Variants in PRR12 observed in about 807,000 individuals in gnomAD.
PRR12 encodes the protein proline rich 12, also known as proline-rich protein 12.
Under a neutral mutation model 138.0 loss-of-function variants are expected in PRR12, and 12 were observed. The observed-to-expected ratio is 0.09, with a 90% CI of 0.06 to 0.14. The LOEUF (loss-of-function observed/expected upper bound fraction) is 0.14. PRR12 is among the 10% of genes least tolerant of loss of function. The pLI is 1.00. For missense variants in PRR12, 2,692 were observed against 2,861.3 expected, an observed-to-expected ratio of 0.94 and a Z score of 1.35; for synonymous variants, 1,567 against 1,291.7, an observed-to-expected ratio of 1.21 and a Z score of -4.57.
intron 9 of PRR12, among the ~76,000 whole-genome samples, chr19:49,620,128 C>T (rs947005663): frequency 2.0e-5 from 3 of 152,132 alleles, no homozygotes; most frequent in Non-Finnish European, 2.9e-5. Flanking sequence ...GGATGACAGG[C>T]GTGAGCCACT....
intron 5 of PRR12, among the ~76,000 whole-genome samples, chr19:49,600,780 C>T (rs1018013518): frequency 2.6e-5 from 4 of 151,992 alleles, no homozygotes; most frequent in African/African-American, 4.8e-5. Context: ...TGGCTCACTG[C>T]AACCTCTGCC....
At position 49,596,678 on chromosome 19, in the gene PRR12, CCTT is replaced by C; in HGVS notation, c.2346_2348del (p.Leu783del). 6 of 1,604,852 alleles carry C rather than the reference CCTT, an allele frequency of 3.7e-6. No homozygotes were observed. Among genetic ancestry groups the C allele is most frequent in the Non-Finnish European group, 5.1e-6 (6 of 1,178,590 alleles). On this transcript the variant is annotated inframe_deletion, in exon 4 of 14. Transcript: ENST00000418929. The surrounding 1 kb of genome is among the most constrained non-coding windows in gnomAD (Gnocchi z 5.6). ...CTACCCAGCCCACTCCCCATGGCCT[CCTT>C]CTGGAGGCCGGGGGCCCTGACCTCC...
rs2080762498 is a variant in PRR12 at position 49,595,664 on chromosome 19, T to C, written c.1329T>C (p.Tyr443=). 1 of 1,600,464 alleles carries C rather than the reference T, an allele frequency of 6.2e-7. No individual in the cohort carries two copies. Among genetic ancestry groups the C allele is most frequent in the Non-Finnish European group, 8.5e-7 (1 of 1,174,280 alleles). The change falls in exon 4 of 14, where the codon TAT becomes TAC. Residue 443 remains tyrosine (Y), a synonymous_variant. Transcript: ENST00000418929. The part of the protein sequence containing the change: ...SGAGGAGGQA[Y]SPGQPQGLLG... Reference sequence around the variant, plus strand: ...CTGGAGGGGCAGGGGGCCAGGCTTATTCCCCCGGTCAGCCTCAAGGGCTTC... The same window carrying C: ...CTGGAGGGGCAGGGGGCCAGGCTTACTCCCCCGGTCAGCCTCAAGGGCTTC...
In PRR12 at chr19:49,591,860, A is replaced by G. The variant is rs545892122; in HGVS notation, c.86+120A>G. On this transcript the variant is annotated intron_variant, in intron 1 of 13. Coordinates refer to ENST00000418929, the MANE Select transcript of PRR12 (RefSeq NM_020719.3). Reference sequence around the variant, plus strand: ...CATCGCAAACTCCCCTCCGGCTTGCAAGGGAGCGGCCTTCCTCGGTTTGTA... The same window carrying G: ...CATCGCAAACTCCCCTCCGGCTTGCGAGGGAGCGGCCTTCCTCGGTTTGTA... 1.1e-5 allele frequency: 6 copies of G among 532,752 alleles called. 1 individual carries two copies. The South Asian group carries it at 3.9e-4, about 35-fold the overall frequency. 33.0% of individuals were successfully genotyped at this position (532,752 alleles called of 1,614,324 possible). A position where few individuals can be genotyped will look rare whatever the true frequency, so the allele number is the denominator to read the frequency against.
At position 49,615,101 on chromosome 19, in the gene PRR12, G is replaced by A. The variant is rs2080884627; in HGVS notation, c.5024+92G>A. ...CAAGAGAGAAGGCTGGAGAGTGGGGGGTGGGGACAGAGAGAGGAGACAGAG... is the reference window on the plus strand; with the variant it reads ...CAAGAGAGAAGGCTGGAGAGTGGGGAGTGGGGACAGAGAGAGGAGACAGAG... On this transcript the variant is annotated intron_variant, in intron 8 of 13. Transcript: ENST00000418929. 1.9e-6 allele frequency: 3 copies of A among 1,546,622 alleles called. No homozygotes were observed. The Admixed American group carries it at 5.2e-5, about 27-fold the overall frequency.
At chr19:49,619,786 C>G (rs946871381) in intron 9 of PRR12, among the ~76,000 whole-genome samples, 4 of 150,890 alleles carry the variant, frequency 2.7e-5, no homozygotes, top group African/African-American at 9.8e-5. Flanking sequence ...AGGTGATCTG[C>G]CTGCCTCGGC....
chr19:49,603,082 A>G (rs2080820669), intron 6 of PRR12, among the ~76,000 whole-genome samples: 1 of 152,234 alleles, frequency 6.6e-6, no homozygotes, highest in African/African-American at 2.4e-5. Flanking sequence ...CTGGGTAGTT[A>G]GCTGGCCCTC....
rs1401473247 is a variant in PRR12, at chr19:49,591,753, G to C, written c.86+13G>C. The C allele has an allele frequency of 6.9e-7, 1 of 1,454,902 alleles. No homozygotes were observed. Among genetic ancestry groups the C allele is most frequent in the Non-Finnish European group, 9.1e-7 (1 of 1,095,650 alleles). The allele number at this position is 1,454,902 out of a possible 1,614,324, so 90.1% of individuals were successfully genotyped here. On this transcript the variant is annotated intron_variant, in intron 1 of 13. Coordinates refer to ENST00000418929, the MANE Select transcript of PRR12 (RefSeq NM_020719.3). ...CAGCGAAAGCTAGGTAAGGAGCTGA[G>C]GGTGGCCTAGAGAAGGGGGCCAAGG...
In PRR12 at chr19:49,599,442, C is replaced by T. The variant is rs766128999; in HGVS notation, c.3849C>T (p.Ala1283=). ...KQPEMKSGFM[A]SFLDFLKSGK... Reference sequence around the variant, plus strand: ...CGGAGATGAAGTCGGGTTTCATGGCCTCCTTCTTGGACTTCCTCAAGTCAG... The same window carrying T: ...CGGAGATGAAGTCGGGTTTCATGGCTTCCTTCTTGGACTTCCTCAAGTCAG... Residue 1283 remains alanine (A), a synonymous_variant, in exon 5 of 14, where the codon GCC becomes GCT. Coordinates refer to ENST00000418929, the MANE Select transcript of PRR12 (RefSeq NM_020719.3). The surrounding 1 kb of genome is among the most constrained non-coding windows in gnomAD (Gnocchi z 5.0). The T allele has an allele frequency of 6.2e-6, 10 of 1,607,240 alleles. No individual in the cohort carries two copies. The highest frequency in any genetic ancestry group is 2.2e-5 in the East Asian group (1 of 44,614).
At position 49,595,097 on chromosome 19, in the gene PRR12, CGCCGCCGCT is replaced by C; in HGVS notation, c.767_775del (p.Ala256_Ala258del). 6.2e-7 allele frequency: 1 copy of C among 1,611,706 alleles called. No individual in the cohort carries two copies. ...ACCTGCTGGCTTCCTCTTCCGCTGC[CGCCGCCGCT>C]GCCGAGCAGTCCTCCCCACAGCTCT... On this transcript the variant is annotated inframe_deletion, in exon 4 of 14. Coordinates refer to ENST00000418929, the MANE Select transcript of PRR12 (RefSeq NM_020719.3).
At chr19:49,608,366 T>C (rs2080848878) in intron 6 of PRR12, among the ~76,000 whole-genome samples, 1 of 151,972 alleles carries the variant, frequency 6.6e-6, no homozygotes, top group Non-Finnish European at 1.5e-5. Context: ...TTTTTTGAGA[T>C]GGAGTCTCGC....
At chr19:49,621,853 G>A in intron 11 of PRR12, 1 of 553,328 alleles carries the variant, frequency 1.8e-6, no homozygotes, top group South Asian at 2.2e-5. Flanking sequence ...GGGTGGTTGT[G>A]AAAGGCTGGG....
chr19:49,613,805 GGCT>G (rs1403220930), intron 6 of PRR12, among the ~76,000 whole-genome samples: 1 of 152,104 alleles, frequency 6.6e-6, no homozygotes, highest in African/African-American at 2.4e-5. Context: ...TAGACTGGGT[GGCT>G]TATAAGCAAC....
chr19:49,620,549 G>T (rs1030035503), intron 10 of PRR12, 72 bp downstream of exon 10: 2 of 1,537,844 alleles, frequency 1.3e-6, no homozygotes, highest in Non-Finnish European at 8.8e-7. Flanking sequence ...GGGCTTGGAC[G>T]TGATGTGAGA....
intron 6 of PRR12, among the ~76,000 whole-genome samples, chr19:49,609,167 T>A (rs1057479756): frequency 1.3e-5 from 2 of 152,032 alleles, no homozygotes; most frequent in Non-Finnish European, 2.9e-5. Flanking sequence ...TACAAAAAAT[T>A]AGCCAGGTGT....
intron 11 of PRR12, among the ~76,000 whole-genome samples, chr19:49,622,928 T>TATATATATATATAG (rs1320368074): frequency 2.6e-5 from 2 of 77,758 alleles, no homozygotes; most frequent in East Asian, 2.7e-4. Context: ...TATATATATA[T>TATATATATATATAG]AGAGAGAGAG....
At position 49,625,040 on chromosome 19, in the gene PRR12, G is replaced by C. The variant is rs776779698; in HGVS notation, c.5868+50G>C. 2 of 1,612,238 alleles carry C rather than the reference G, an allele frequency of 1.2e-6. No individual in the cohort carries two copies. Among genetic ancestry groups the C allele is most frequent in the African/African-American group, 1.3e-5 (1 of 74,992 alleles). ...AGTGGGGAGTGCTGGCGGTATGTGGGAAGGGAGGAGAGGGGCTGCCAAGTG... is the reference window on the plus strand; with the variant it reads ...AGTGGGGAGTGCTGGCGGTATGTGGCAAGGGAGGAGAGGGGCTGCCAAGTG... On this transcript the variant is annotated intron_variant, in intron 12 of 13. Transcript: ENST00000418929. The surrounding 1 kb of genome is among the most constrained non-coding windows in gnomAD (Gnocchi z 5.5).
Position 49,596,633 on chromosome 19 carries a change from C to G in PRR12, c.2298C>G (p.Pro766=). ...CCTTCTTGCAAAAGAGCCCTCCGCCCCCACCTCCCACGGCCCAGTCTACCC... is the reference window on the plus strand; with the variant it reads ...CCTTCTTGCAAAAGAGCCCTCCGCCGCCACCTCCCACGGCCCAGTCTACCC... The part of the protein sequence containing the change: ...LGAFLQKSPP[P]PPPTAQSTQP... Residue 766 remains proline (P), a synonymous_variant, in exon 4 of 14, where the codon CCC becomes CCG. Coordinates refer to ENST00000418929, the MANE Select transcript of PRR12 (RefSeq NM_020719.3). The surrounding 1 kb of genome is among the most constrained non-coding windows in gnomAD (Gnocchi z 5.6). 1 of 1,593,910 alleles carries G rather than the reference C, an allele frequency of 6.3e-7. No individual in the cohort carries two copies. Among genetic ancestry groups the G allele is most frequent in the Non-Finnish European group, 8.5e-7 (1 of 1,171,194 alleles).
intron 1 of PRR12, 148 bp downstream of exon 1, chr19:49,591,888 A>G: frequency 2.2e-6 from 1 of 449,924 alleles, no homozygotes; most frequent in Non-Finnish European, 3.9e-6. Flanking sequence ...GGTTTGTAAC[A>G]ACGCCGCCGC....
Sources: allele counts gnomAD v4.1 joint callset (sites outside exome capture counted in the v4.1 genomes callset), GRCh38; gene constraint gnomAD v4.1.1; non-coding constraint Gnocchi (gnomAD v3.1); transcripts MANE v1.5; gene names NCBI Gene and HGNC (gene_info 2026-07-23, HGNC 2026-07-21).